The following N4BP2L1 variants were observed in gnomAD, a reference collection of about 807,000 sequenced individuals.
N4BP2L1 encodes NEDD4-binding protein 2-like 1.
N4BP2L1 carries 12 observed loss-of-function variants against 21.2 expected under a neutral mutation model. The observed-to-expected ratio is 0.57, with a 90% CI of 0.36 to 0.92. The LOEUF is 0.92. Ranked by LOEUF, N4BP2L1 falls within the 40% of genes least tolerant of loss-of-function variation. The pLI is 0.01. For missense variants in N4BP2L1, 259 were observed against 310.6 expected, an observed-to-expected ratio of 0.83 and a Z score of 1.25; for synonymous variants, 104 against 112.8, an observed-to-expected ratio of 0.92 and a Z score of 0.49.
chr13:32,428,645 A>G (rs1370781448), upstream of N4BP2L1, among the ~76,000 whole-genome samples: 5 of 152,208 alleles, frequency 3.3e-5, no homozygotes, highest in African/African-American at 4.8e-5. Flanking sequence ...ATCTTTCTTT[A>G]GCAGCCTGCC....
chr13:32,406,913 G>A (rs1195351550), intron 3 of N4BP2L1: 3 of 315,110 alleles, frequency 9.5e-6, no homozygotes, highest in Non-Finnish European at 6.1e-6. Context: ...ATCTAATTCA[G>A]TATTAGTATT....
intron 1 of N4BP2L1, among the ~76,000 whole-genome samples, chr13:32,416,191 T>C (rs558360141): frequency 1.4e-4 from 22 of 152,370 alleles, no homozygotes; most frequent in Admixed American, 3.9e-4. Flanking sequence ...ATAGCCAATG[T>C]TTATTAAGTG....
At position 32,402,520 on chromosome 13, in the gene N4BP2L1, C is replaced by CCTT; in HGVS notation, c.*421_*422insAAG. 3.5e-6 allele frequency: 1 copy of CCTT among 286,188 alleles called. No homozygotes were observed. The highest frequency in any genetic ancestry group is 4.3e-6 in the Non-Finnish European group (1 of 234,466). The allele number at this position is 286,188 out of a possible 1,614,324, so 17.7% of individuals were successfully genotyped here. On this transcript the variant is annotated 3_prime_UTR_variant, in exon 5 of 5. Transcript: ENST00000380130. ...AATGGCACTTTGATAAGTAGCAATG[C>CCTT]CCCCCCACCACTTCTCTCCACCTTC...
chr13:32,412,262 A>G (rs972187226), intron 1 of N4BP2L1, among the ~76,000 whole-genome samples: 2 of 152,098 alleles, frequency 1.3e-5, no homozygotes, highest in Non-Finnish European at 2.9e-5. Flanking sequence ...CCCTTCATCT[A>G]TGGTCACCAG....
intron 1 of N4BP2L1, among the ~76,000 whole-genome samples, chr13:32,417,598 C>A (rs1004655100): frequency 6.6e-6 from 1 of 152,078 alleles, no homozygotes; most frequent in Non-Finnish European, 1.5e-5. Flanking sequence ...GAGAATGGGG[C>A]ACTGCTGTAA....
At chr13:32,410,165 G>A (rs2073769520) in intron 1 of N4BP2L1, among the ~76,000 whole-genome samples, 2 of 152,246 alleles carry the variant, frequency 1.3e-5, no homozygotes, top group South Asian at 2.1e-4. Flanking sequence ...TGCGGGCCTT[G>A]CCCGGGGTCC....
At chr13:32,423,611 A>T (rs1170007203) in intron 1 of N4BP2L1, among the ~76,000 whole-genome samples, 3 of 152,250 alleles carry the variant, frequency 2.0e-5, no homozygotes, top group African/African-American at 7.2e-5. Flanking sequence ...AAAAATAGTA[A>T]AGTTCTGACA....
At chr13:32,410,980 C>A (rs535357616) in intron 1 of N4BP2L1, among the ~76,000 whole-genome samples, 7 of 151,850 alleles carry the variant, frequency 4.6e-5, no homozygotes, top group Non-Finnish European at 1.0e-4. Context: ...ATATACATAC[C>A]CTTATCTGCT....
In N4BP2L1 at chr13:32,402,062, G is replaced by T; in HGVS notation, c.*880C>A. On this transcript the variant is annotated 3_prime_UTR_variant, in exon 5 of 5. Transcript: ENST00000380130. ...CCCTGTATGACCTATATCCTGGGGT[G>T]CCTAATTTCTTGCACTCCCAAACAT... 1.0e-6 allele frequency: 1 copy of T among 985,414 alleles called. No individual in the cohort carries two copies. The highest frequency in any genetic ancestry group is 1.2e-6 in the Non-Finnish European group (1 of 829,918). The allele number at this position is 985,414 out of a possible 1,614,324, so 61.0% of individuals were successfully genotyped here.
intron 1 of N4BP2L1, among the ~76,000 whole-genome samples, chr13:32,427,047 G>C (rs1017807194): frequency 6.6e-6 from 1 of 152,242 alleles, no homozygotes; most frequent in Non-Finnish European, 1.5e-5. Flanking sequence ...TCAAGCGCAA[G>C]GCAGGGAGCG....
intron 1 of N4BP2L1, among the ~76,000 whole-genome samples, 163 bp downstream of exon 1, chr13:32,427,741 C>T (rs1247397686): frequency 6.6e-6 from 1 of 151,664 alleles, no homozygotes; most frequent in Non-Finnish European, 1.5e-5. Context: ...GCTCCCCGCG[C>T]TGCCAGGCTC....
rs1327466150 is a variant in N4BP2L1, at chr13:32,401,298, G to A, written c.*1644C>T. ...CAGGACTACCTGGGCCTGGAAAATG[G>A]GAGCATTATTAAGTAGATCATTAGG... On this transcript the variant is annotated 3_prime_UTR_variant, in exon 5 of 5. Transcript: ENST00000380130. 6.6e-6 allele frequency: 1 copy of A among 152,100 alleles called. No individual in the cohort carries two copies. Among genetic ancestry groups the A allele is most frequent in the Admixed American group, 6.5e-5 (1 of 15,274 alleles). 9.4% of individuals were successfully genotyped at this position (152,100 alleles called of 1,614,324 possible).
At chr13:32,417,804 G>A (rs1439944892) in intron 1 of N4BP2L1, among the ~76,000 whole-genome samples, 1 of 152,188 alleles carries the variant, frequency 6.6e-6, no homozygotes, top group East Asian at 1.9e-4. Flanking sequence ...GAACTTACTG[G>A]GAACTGGAGT....
chr13:32,403,304 G>T, intron 4 of N4BP2L1, 104 bp from the exon 5 acceptor site: 4 of 1,204,282 alleles, frequency 3.3e-6, no homozygotes, highest in Non-Finnish European at 4.6e-6. Context: ...CCTGTTCTCA[G>T]GACCTAGCTC....
At chr13:32,428,296 G>A, upstream of N4BP2L1, 1 of 401,834 alleles carries the variant, frequency 2.5e-6, no homozygotes, top group South Asian at 9.6e-5. Flanking sequence ...TCACAGCCCG[G>A]AAAACAAGGG....
intron 1 of N4BP2L1, among the ~76,000 whole-genome samples, chr13:32,412,197 A>G (rs2073895814): frequency 6.6e-6 from 1 of 152,136 alleles, no homozygotes; most frequent in Admixed American, 6.6e-5. Flanking sequence ...TTTTAATTAG[A>G]AAATACACAA....
chr13:32,427,577 G>A (rs1566367124), intron 1 of N4BP2L1, among the ~76,000 whole-genome samples: 1 of 152,222 alleles, frequency 6.6e-6, no homozygotes, highest in Admixed American at 6.5e-5. Context: ...AAGGGGCCGG[G>A]GCCGCTGGGG....
chr13:32,407,866 T>A (rs780195192), intron 1 of N4BP2L1, 94 bp from the exon 2 acceptor site: 47 of 1,403,066 alleles, frequency 3.3e-5, no homozygotes, highest in Non-Finnish European at 4.3e-5. Context: ...TTTAGCAGTT[T>A]ATAATTCTGA....
intron 1 of N4BP2L1, chr13:32,425,010 A>C (rs955063903): frequency 3.3e-5 from 5 of 152,228 alleles, no homozygotes; most frequent in African/African-American, 1.2e-4. Context: ...GTAAAAAGCG[A>C]TTTCCTCCAA....
Sources: allele counts gnomAD v4.1 joint callset (sites outside exome capture counted in the v4.1 genomes callset), GRCh38; gene constraint gnomAD v4.1.1; transcripts MANE v1.5; gene names NCBI Gene and HGNC (gene_info 2026-07-23, HGNC 2026-07-21).